Variants in GNL3L observed in about 807,000 individuals in gnomAD.
GNL3L encodes the protein G protein nucleolar 3 like.
GNL3L carries 4 observed loss-of-function variants against 42.9 expected under a neutral mutation model. The observed-to-expected ratio is 0.09, with a 90% CI of 0.05 to 0.21. The LOEUF is 0.21. Among genes scored for constraint, GNL3L ranks in the 10% least tolerant of loss-of-function variants. The pLI is 1.00. For synonymous variants in GNL3L, 159 were observed against 176.3 expected, an observed-to-expected ratio of 0.90 and a Z score of 0.78; for missense variants, 412 against 481.7, an observed-to-expected ratio of 0.86 and a Z score of 1.36.
intron 1 of GNL3L, among the ~76,000 whole-genome samples, chrX:54,531,183 C>T (rs1924233881): frequency 8.9e-6 from 1 of 111,770 alleles, no homozygotes; most frequent in Non-Finnish European, 1.9e-5. Context: ...CTTGAGGGGC[C>T]GTGGGGGTAG....
intron 16 of GNL3L, among the ~76,000 whole-genome samples, chrX:54,598,301 C>T (rs1328527026): frequency 2.7e-5 from 3 of 111,177 alleles, no homozygotes; most frequent in African/African-American, 6.5e-5. Flanking sequence ...TTTAGGAAAG[C>T]GCAAAGTCAA....
At chrX:54,638,976 T>C in the GNL3L span, among the ~76,000 whole-genome samples, 392 of 112,066 alleles carry the variant, frequency 3.5e-3, 2 homozygotes, top group African/African-American at 0.012. Context: ...TAATCTCTGA[T>C]AGTAGATGGG....
At chrX:54,559,145 C>G (rs1489471034) in intron 15 of GNL3L, among the ~76,000 whole-genome samples, 1 of 111,778 alleles carries the variant, frequency 8.9e-6, no homozygotes, top group Non-Finnish European at 1.9e-5. Context: ...CTCATAGTTT[C>G]TAATTGAGTA....
chrX:54,589,249 T>G (rs1473114089), intron 16 of GNL3L, among the ~76,000 whole-genome samples: 1 of 111,539 alleles, frequency 9.0e-6, no homozygotes, highest in Non-Finnish European at 1.9e-5. Context: ...AATAGTCTAT[T>G]ATTGACTATA....
Position 54,544,175 on chromosome X carries a change from AGGT to A in GNL3L, c.527-46_527-44del, listed in dbSNP as rs777951511. Reference sequence around the variant, plus strand: ...GAGGTGTCTTTGGAGGGAACCATGGAGGTGTTGTTCTGCTTACCAGCCCCATCT... The same window carrying A: ...GAGGTGTCTTTGGAGGGAACCATGGAGTTGTTCTGCTTACCAGCCCCATCT... On this transcript the variant is annotated intron_variant, in intron 7 of 15. Transcript: ENST00000360845. The A allele has an allele frequency of 1.0e-5, 7 of 679,379 alleles. No homozygotes were observed. The East Asian group carries it at 2.0e-4, about 19-fold the overall frequency. The allele number at this position is 679,379 out of a possible 1,213,427, so 56.0% of individuals were successfully genotyped here.
At chrX:54,587,079 A>G (rs1925793094) in intron 16 of GNL3L, among the ~76,000 whole-genome samples, 1 of 111,344 alleles carries the variant, frequency 9.0e-6, no homozygotes, top group African/African-American at 3.3e-5. Context: ...CGGTTTGAGA[A>G]CCTGCCCACC....
At chrX:54,600,334 C>G (rs777614656) in intron 16 of GNL3L, among the ~76,000 whole-genome samples, 1 of 101,347 alleles carries the variant, frequency 9.9e-6, no homozygotes, top group African/African-American at 3.6e-5. Flanking sequence ...TCAAGTGATT[C>G]TCCTGCCTCA....
downstream of GNL3L, among the ~76,000 whole-genome samples, chrX:54,623,425 C>T (rs188836712): frequency 1.8e-5 from 2 of 111,068 alleles, no homozygotes; most frequent in African/African-American, 6.5e-5. Flanking sequence ...CCACTACACC[C>T]GGCTAATTTT....
chrX:54,630,155 G>T, the GNL3L span, among the ~76,000 whole-genome samples: 8 of 107,707 alleles, frequency 7.4e-5, no homozygotes, highest in African/African-American at 2.7e-4. Flanking sequence ...TTCTTTTCTC[G>T]GTGAATCTCA....
At chrX:54,587,687 C>CT (rs1293515132) in intron 16 of GNL3L, among the ~76,000 whole-genome samples, 3 of 82,329 alleles carry the variant, frequency 3.6e-5, no homozygotes, top group Admixed American at 1.3e-4. Flanking sequence ...TTTTTTTTTT[C>CT]TTTTTTCTTT....
chrX:54,545,915 G>A (rs1056330777), intron 8 of GNL3L, among the ~76,000 whole-genome samples: 3 of 112,302 alleles, frequency 2.7e-5, no homozygotes, highest in African/African-American at 9.7e-5. Context: ...GTGGCGTGAT[G>A]ATAGCTCATT....
At chrX:54,533,131 A>G (rs1449327003) in intron 2 of GNL3L, among the ~76,000 whole-genome samples, 1 of 111,292 alleles carries the variant, frequency 9.0e-6, no homozygotes, top group Non-Finnish European at 1.9e-5. Flanking sequence ...AAGTGACTTG[A>G]TCTGAGGTGA....
At chrX:54,571,130 T>G (rs367636059), downstream of GNL3L, among the ~76,000 whole-genome samples, 8 of 111,132 alleles carry the variant, frequency 7.2e-5, no homozygotes, top group East Asian at 5.6e-4. Context: ...GTTTTGTCTT[T>G]CAGTACCTCA....
In GNL3L at chrX:54,544,237, G is replaced by A. The variant is rs757982347; in HGVS notation, c.541G>A (p.Glu181Lys). ...ATTTACCCCAGACCTGGTCCCCAAGGAGGTTGTGGAGAAATGGCTGGATTA... is the reference window on the plus strand; with the variant it reads ...ATTTACCCCAGACCTGGTCCCCAAGAAGGTTGTGGAGAAATGGCTGGATTA... ...VLNKIDLVPK[E>K]VVEKWLDYLR... is the part of the protein sequence containing the mutation. Residue 181 changes from glutamate (E) to lysine (K), a missense_variant, in exon 8 of 16, where the codon GAG becomes AAG. By Grantham distance (56) the Glu-to-Lys change is moderately conservative (BLOSUM62 1). Coordinates refer to ENST00000360845, the MANE Select transcript of GNL3L (RefSeq NM_001184819.2). The A allele has an allele frequency of 1.7e-6, 2 of 1,171,936 alleles. No individual in the cohort carries two copies. The highest frequency in any genetic ancestry group is 3.6e-5 in the South Asian group (2 of 55,582).
intron 5 of GNL3L, 141 bp downstream of exon 5, chrX:54,541,530 CGAAG>C (rs1209596943): frequency 2.8e-6 from 1 of 354,458 alleles, no homozygotes; most frequent in Non-Finnish European, 5.1e-6. Context: ...TGGGGACGGA[CGAAG>C]GGAGGGAGGG....
At position 54,548,233 on chromosome X, in the gene GNL3L, G is replaced by A. The variant is rs140471367; in HGVS notation, c.635G>A (p.Arg212His). 4.5e-5 allele frequency: 54 copies of A among 1,202,374 alleles called. No homozygotes were observed. The highest frequency in any genetic ancestry group is 2.4e-4 in the East Asian group (8 of 33,693). ...STQHQVKNLN[R>H]CSVPVDQASE... is the part of the protein sequence containing the mutation. ...ATATTCAATTTTTTTTTCCAGAATC[G>A]TTGCAGTGTGCCAGTAGATCAGGCC... Residue 212 changes from arginine to histidine, a missense_variant, in exon 9 of 16, where the codon CGT (arginine) becomes CAT (histidine). Physicochemically the swap from Arg to His is conservative, Grantham distance 29. Coordinates refer to ENST00000360845, the MANE Select transcript of GNL3L (RefSeq NM_001184819.2).
intron 16 of GNL3L, among the ~76,000 whole-genome samples, chrX:54,602,834 TC>T (rs1157745662): frequency 9.0e-6 from 1 of 111,349 alleles, no homozygotes; most frequent in Admixed American, 9.6e-5. Flanking sequence ...GAAAACAAAG[TC>T]TGCCTACAAT....
At chrX:54,581,851 T>C (rs959662893) in intron 16 of GNL3L, among the ~76,000 whole-genome samples, 3 of 112,177 alleles carry the variant, frequency 2.7e-5, no homozygotes, top group African/African-American at 9.7e-5. Flanking sequence ...TTTACTGTTA[T>C]CAATAAAGCT....
At chrX:54,555,941 C>G (rs1925083073) in intron 14 of GNL3L, among the ~76,000 whole-genome samples, 1 of 110,181 alleles carries the variant, frequency 9.1e-6, no homozygotes, top group Admixed American at 9.8e-5. Flanking sequence ...GTTTTTTCAG[C>G]CTCTTCTTCT....
Sources: allele counts gnomAD v4.1 joint callset (sites outside exome capture counted in the v4.1 genomes callset), GRCh38; gene constraint gnomAD v4.1.1; transcripts MANE v1.5; gene names NCBI Gene and HGNC (gene_info 2026-07-23, HGNC 2026-07-21).